The following ANO5 variants were observed in gnomAD, a reference collection of about 807,000 sequenced individuals.
ANO5 encodes the protein anoctamin-5.
ANO5 carries 109 observed loss-of-function variants against 121.0 expected under a neutral mutation model. The observed-to-expected ratio is 0.90, with a 90% confidence interval of 0.77 to 1.06. The LOEUF is 1.06. ANO5 is among the 50% of genes least tolerant of loss of function. The pLI is 0.00. For missense variants in ANO5, 1,064 were observed against 1,078.5 expected, an observed-to-expected ratio of 0.99 and a Z score of 0.19; for synonymous variants, 406 against 359.9, an observed-to-expected ratio of 1.13 and a Z score of -1.45.
chr11:22,214,146 C>T (rs983547241), intron 3 of ANO5, among the ~76,000 whole-genome samples: 9 of 151,934 alleles, frequency 5.9e-5, no homozygotes, highest in Non-Finnish European at 5.9e-5. Flanking sequence ...CTCAAGCAGT[C>T]CTCCCTTCTC....
Position 22,227,366 on chromosome 11 carries a change from A to G in ANO5, c.428A>G (p.Tyr143Cys). Residue 143 changes from tyrosine to cysteine, a missense_variant, in exon 7 of 22, where the codon TAT (tyrosine) becomes TGT (cysteine). Transcript: ENST00000324559. The stretch of plus-strand genomic sequence containing the variant: ...GCCCCTTGGGAGGTATTAGTTACCT[A>G]TGCTGAAGTCTTGGGAATCAAAATG... Reference protein sequence around the residue: ...IHAPWEVLVTYAEVLGIKMPI... With the variant: ...IHAPWEVLVTCAEVLGIKMPI... The G allele has an allele frequency of 1.9e-6, 3 of 1,613,540 alleles. No individual in the cohort carries two copies. Among genetic ancestry groups the G allele is most frequent in the South Asian group, 1.1e-5 (1 of 91,078 alleles).
intron 1 of ANO5, among the ~76,000 whole-genome samples, chr11:22,203,166 C>A (rs1194621564): frequency 6.6e-6 from 1 of 151,682 alleles, no homozygotes; most frequent in Non-Finnish European, 1.5e-5. Flanking sequence ...GATATTTTCT[C>A]CAAAAAAAAT....
intron 17 of ANO5, among the ~76,000 whole-genome samples, chr11:22,267,251 G>A (rs1854397928): frequency 6.6e-6 from 1 of 151,556 alleles, no homozygotes; most frequent in African/African-American, 2.4e-5. Flanking sequence ...TAACATTATT[G>A]TTTTTCACTT....
chr11:22,246,466 G>A (rs1027897402), intron 9 of ANO5, among the ~76,000 whole-genome samples: 2 of 152,068 alleles, frequency 1.3e-5, no homozygotes, highest in Non-Finnish European at 2.9e-5. Flanking sequence ...CTGAAGGCCT[G>A]TATTGGGTTT....
rs764788367 is a variant in ANO5, at chr11:22,269,545, GAAGGAAAGAAAAAAAGAA to G, written c.1899-747_1899-730del. ...AAGGAAGGAAAGAAAAAAAGAAAAGGAAGGAAAGAAAAAAAGAAAAGGAAAGAAAAAAAGAAAGAAAGA... is the reference window on the plus strand; with the variant it reads ...AAGGAAGGAAAGAAAAAAAGAAAAGGAAGGAAAGAAAAAAAGAAAGAAAGA... On this transcript the variant is annotated intron_variant, in intron 17 of 21. Transcript: ENST00000324559. Among the ~76,000 whole-genome samples, 536 of 89,744 alleles carry G rather than the reference GAAGGAAAGAAAAAAAGAA, an allele frequency of 6.0e-3. 6 individuals carry two copies. Among genetic ancestry groups the G allele is most frequent in the Non-Finnish European group, 8.8e-3 (400 of 45,522 alleles). 58.9% of individuals were successfully genotyped at this position (89,744 alleles called of 152,430 possible).
intron 4 of ANO5, 129 bp downstream of exon 4, chr11:22,218,416 G>C: frequency 8.4e-7 from 1 of 1,187,200 alleles, no homozygotes. Context: ...CCAGGCAACT[G>C]AAGTTTAAGA....
intron 21 of ANO5, 112 bp downstream of exon 21, chr11:22,276,311 G>A: frequency 1.1e-6 from 1 of 871,040 alleles, no homozygotes; most frequent in East Asian, 2.7e-5. Context: ...CTGTCTTGAA[G>A]GAAGTATTGT....
intron 5 of ANO5, among the ~76,000 whole-genome samples, chr11:22,222,599 C>T (rs1035436165): frequency 6.6e-6 from 1 of 151,796 alleles, no homozygotes; most frequent in Non-Finnish European, 1.5e-5. Context: ...TCTTATTCCC[C>T]TCTCACTCTT....
At chr11:22,212,484 A>G (rs1275142360) in intron 3 of ANO5, among the ~76,000 whole-genome samples, 4 of 151,948 alleles carry the variant, frequency 2.6e-5, no homozygotes, top group African/African-American at 9.7e-5. Context: ...CATTTATCAG[A>G]GAATAAAGGT....
intron 2 of ANO5, among the ~76,000 whole-genome samples, chr11:22,207,566 T>C (rs955614082): frequency 6.6e-6 from 1 of 152,130 alleles, no homozygotes; most frequent in African/African-American, 2.4e-5. Context: ...AACTATACAA[T>C]TTTTTGAAGA....
chr11:22,262,198 A>G lies in ANO5; in HGVS notation c.1700A>G (p.Asn567Ser), dbSNP rs1424817731. ...TLKMFLFQFV[N>S]FYSSCFYVAF... The stretch of plus-strand genomic sequence containing the variant: ...AAAATGTTCCTGTTTCAGTTTGTAA[A>G]TTTTTACTCATCCTGCTTCTACGTA... The change falls in exon 16 of 22, where the codon AAT becomes AGT. Residue 567 changes from asparagine to serine, a missense_variant. Coordinates refer to ENST00000324559, the MANE Select transcript of ANO5 (RefSeq NM_213599.3). 6.2e-7 allele frequency: 1 copy of G among 1,613,928 alleles called. No individual in the cohort carries two copies. The highest frequency in any genetic ancestry group is 8.5e-7 in the Non-Finnish European group (1 of 1,179,930).
At chr11:22,207,050 T>G (rs566437647) in intron 2 of ANO5, among the ~76,000 whole-genome samples, 2 of 152,080 alleles carry the variant, frequency 1.3e-5, no homozygotes, top group South Asian at 4.1e-4. Context: ...TTCCTAGAAC[T>G]GAGTTTAAGA....
chr11:22,278,124 G>A (rs1590338462), intron 21 of ANO5: 1 of 151,520 alleles, frequency 6.6e-6, no homozygotes, highest in Non-Finnish European at 1.5e-5. Context: ...GCTACAAAAT[G>A]CAATACTATT....
intron 3 of ANO5, among the ~76,000 whole-genome samples, chr11:22,212,107 A>G (rs2133555194): frequency 6.6e-6 from 1 of 152,020 alleles, no homozygotes; most frequent in Non-Finnish European, 1.5e-5. Flanking sequence ...TCACTCTTTA[A>G]GAAACATATG....
intron 14 of ANO5, 145 bp from the exon 15 acceptor site, chr11:22,259,374 A>C: frequency 2.4e-6 from 2 of 819,306 alleles, no homozygotes; most frequent in Admixed American, 4.0e-5. Flanking sequence ...CCATCTAGGG[A>C]AAGAGAGACT....
At chr11:22,194,317 G>C (rs768347441) in intron 1 of ANO5, among the ~76,000 whole-genome samples, 7 of 152,086 alleles carry the variant, frequency 4.6e-5, no homozygotes, top group Non-Finnish European at 1.0e-4. Context: ...GTCTTGTTTA[G>C]TGTTGGATTT....
intron 3 of ANO5, among the ~76,000 whole-genome samples, chr11:22,212,674 C>T (rs1034332427): frequency 4.6e-5 from 7 of 151,892 alleles, no homozygotes; most frequent in African/African-American, 1.4e-4. Flanking sequence ...AGGTATTTCA[C>T]TTGGCACAGT....
Position 22,277,739 on chromosome 11 carries a change from G to A in ANO5, c.2520+1540G>A, listed in dbSNP as rs1854919902. 2.6e-5 allele frequency: 4 copies of A among 151,144 alleles called. No individual in the cohort carries two copies. The South Asian group carries it at 8.3e-4, about 31-fold the overall frequency. 9.4% of individuals were successfully genotyped at this position (151,144 alleles called of 1,614,324 possible). On this transcript the variant is annotated intron_variant, in intron 21 of 21. Coordinates refer to ENST00000324559, the MANE Select transcript of ANO5 (RefSeq NM_213599.3). ...AGTAAATTACTTCCGGAATTCTTTT[G>A]TTTTAATTTATTTATTATTTGTGTT...
At chr11:22,225,007 G>T (rs1590242117) in intron 5 of ANO5, among the ~76,000 whole-genome samples, 1 of 151,894 alleles carries the variant, frequency 6.6e-6, no homozygotes, top group Admixed American at 6.6e-5. Context: ...GAAAGGGAAG[G>T]GGAAGGAGGG....
Sources: gnomAD v4.1 joint callset for allele counts (sites outside exome capture counted in the v4.1 genomes callset) on GRCh38, gnomAD v4.1.1 for gene constraint, MANE v1.5 for transcripts, NCBI Gene and HGNC (gene_info 2026-07-23, HGNC 2026-07-21) for gene names.